The following THAP6 variants were observed in gnomAD, a reference collection of about 807,000 sequenced individuals.
THAP6 encodes THAP domain-containing protein 6.
THAP6 carries 13 observed loss-of-function variants against 20.0 expected under a neutral mutation model. The observed-to-expected ratio is 0.65, with a 90% CI of 0.42 to 1.03. The LOEUF (loss-of-function observed/expected upper bound fraction) is 1.03. Among genes scored for constraint, THAP6 ranks in the 50% least tolerant of loss-of-function variants. The pLI is 0.00. For missense variants in THAP6, 262 were observed against 261.6 expected (o/e 1.00, Z -0.01); for synonymous variants, 93 against 92.2 (o/e 1.01, Z -0.05).
chr4:75,523,439 A>C (rs1429325675), intron 4 of THAP6, among the ~76,000 whole-genome samples: 29 of 152,128 alleles, frequency 1.9e-4, no homozygotes. Flanking sequence ...TGCTGTGCAG[A>C]AGCTTTTTAA....
chr4:75,535,334 C>T (rs1471463437), intron 2 of THAP6, among the ~76,000 whole-genome samples: 2 of 152,136 alleles, frequency 1.3e-5, no homozygotes, highest in Non-Finnish European at 2.9e-5. Flanking sequence ...TGAGGGCTGC[C>T]CCATGAAGAG....
At chr4:75,524,126 G>C (rs1726218020) in intron 4 of THAP6, among the ~76,000 whole-genome samples, 1 of 152,148 alleles carries the variant, frequency 6.6e-6, no homozygotes, top group Admixed American at 6.5e-5. Context: ...TGGTCTGTGT[G>C]TTTGTGTTTA....
At chr4:75,534,083 C>T (rs1400549571), downstream of THAP6, among the ~76,000 whole-genome samples, 1 of 152,180 alleles carries the variant, frequency 6.6e-6, no homozygotes, top group African/African-American at 2.4e-5. Context: ...CTACAAAGGA[C>T]ATGAACTCAT....
At chr4:75,539,873 G>A in intron 2 of THAP6, 1 of 1,535,940 alleles carries the variant, frequency 6.5e-7, no homozygotes, top group Non-Finnish European at 8.7e-7. Flanking sequence ...ACAGGAAAAG[G>A]AAACAAGAAC....
At chr4:75,535,126 A>G (rs1035983207) in intron 2 of THAP6, among the ~76,000 whole-genome samples, 10 of 152,228 alleles carry the variant, frequency 6.6e-5, no homozygotes, top group African/African-American at 2.4e-4. Flanking sequence ...CTGTTTTTTA[A>G]GAAACTATCA....
At position 75,516,805 on chromosome 4, in the gene THAP6, G is replaced by A. The variant is rs764754857; in HGVS notation, c.114G>A (p.Trp38Ter). The part of the protein sequence containing the change: ...FPTDENIKRK[W>*]VLAMKRLDVN... ...CAGATGAAAACATCAAAAGGAAATG[G>A]GTATTAGCAATGAAAAGACTTGATG... The change falls in exon 3 of 5, where the codon TGG (tryptophan) becomes TGA (stop). Residue 38 changes from tryptophan (W) to a stop codon, truncating the protein, a stop_gained. Transcript: ENST00000311638. LOFTEE classifies it high-confidence loss of function. The A allele has an allele frequency of 2.5e-6, 4 of 1,613,728 alleles. No homozygotes were observed. The highest frequency in any genetic ancestry group is 2.7e-5 in the African/African-American group (2 of 74,792).
intron 2 of THAP6, among the ~76,000 whole-genome samples, chr4:75,535,357 A>G (rs1726821566): frequency 6.6e-6 from 1 of 152,206 alleles, no homozygotes; most frequent in Non-Finnish European, 1.5e-5. Context: ...CATGCCATCC[A>G]GCAAGGCAGT....
At chr4:75,523,662 TGG>T (rs1201407865) in intron 4 of THAP6, among the ~76,000 whole-genome samples, 1 of 151,664 alleles carries the variant, frequency 6.6e-6, no homozygotes, top group East Asian at 1.9e-4. Context: ...AAAAATTAGC[TGG>T]GGGTGGTGGC....
chr4:75,534,532 C>T (rs1726795056), downstream of THAP6, among the ~76,000 whole-genome samples: 1 of 152,204 alleles, frequency 6.6e-6, no homozygotes, highest in African/African-American at 2.4e-5. Flanking sequence ...TCACCAAAAG[C>T]AATGGCAACA....
chr4:75,532,654 G>A (rs1726718371), downstream of THAP6, among the ~76,000 whole-genome samples: 1 of 152,208 alleles, frequency 6.6e-6, no homozygotes, highest in African/African-American at 2.4e-5. Context: ...GGGCATCCAG[G>A]CATTTCCATA....
chr4:75,536,460 A>G (rs1726856793), intron 2 of THAP6, among the ~76,000 whole-genome samples: 1 of 152,228 alleles, frequency 6.6e-6, no homozygotes, highest in Middle Eastern at 3.4e-3. Context: ...GCAAAACTCC[A>G]TCTAAAAAAA....
chr4:75,547,043 A>G (rs1018260218), intron 3 of THAP6, among the ~76,000 whole-genome samples: 1 of 152,200 alleles, frequency 6.6e-6, no homozygotes, highest in East Asian at 1.9e-4. Context: ...GGGCACAACC[A>G]AGAGAGCTAA....
intron 4 of THAP6, among the ~76,000 whole-genome samples, chr4:75,523,979 A>G (rs1553923061): frequency 1.3e-5 from 2 of 152,148 alleles, no homozygotes; most frequent in African/African-American, 2.4e-5. Context: ...GTTTTTCTGC[A>G]TATGGATATC....
intron 2 of THAP6, 59 bp from the exon 3 acceptor site, chr4:75,516,712 TA>T (rs1725671541): frequency 2.1e-6 from 3 of 1,454,454 alleles, no homozygotes. Context: ...AAGGCAGCTT[TA>T]ATTCAATTAT....
intron 2 of THAP6, among the ~76,000 whole-genome samples, chr4:75,537,474 TTC>T (rs1457616675): frequency 1.3e-5 from 2 of 151,618 alleles, no homozygotes; most frequent in African/African-American, 4.9e-5. Context: ...TTGGCTCTCA[TTC>T]TCTCTCTTTG....
chr4:75,531,644 A>T (rs923375919), downstream of THAP6, among the ~76,000 whole-genome samples: 2 of 152,204 alleles, frequency 1.3e-5, no homozygotes, highest in Non-Finnish European at 2.9e-5. Flanking sequence ...AGCACTTTAT[A>T]AAAGAAAGAA....
intron 3 of THAP6, among the ~76,000 whole-genome samples, chr4:75,519,238 C>A (rs1260491345): frequency 1.3e-5 from 2 of 151,392 alleles, no homozygotes. Context: ...TGTACAATTT[C>A]TTCATTCTAC....
At chr4:75,534,994 T>C (rs929226570), downstream of THAP6, among the ~76,000 whole-genome samples, 3 of 152,200 alleles carry the variant, frequency 2.0e-5, no homozygotes, top group East Asian at 3.8e-4. Context: ...GTCAGTGTGG[T>C]GATTCCTCAG....
downstream of THAP6, among the ~76,000 whole-genome samples, chr4:75,531,972 G>A (rs186225088): frequency 7.9e-5 from 12 of 152,084 alleles, no homozygotes; most frequent in East Asian, 1.7e-3. Context: ...GAGCCAAACC[G>A]TGTCATTCCG....
Sources: gnomAD v4.1 joint callset for allele counts (sites outside exome capture counted in the v4.1 genomes callset) on GRCh38, gnomAD v4.1.1 for gene constraint, MANE v1.5 for transcripts, NCBI Gene and HGNC (gene_info 2026-07-23, HGNC 2026-07-21) for gene names.